GRM7: variants seen among roughly 807,000 people sequenced by gnomAD.
GRM7 encodes the protein glutamate metabotropic receptor 7.
Under a neutral mutation model 84.5 loss-of-function variants are expected in GRM7, and 35 were observed. The observed-to-expected ratio is 0.41, with a 90% CI of 0.32 to 0.55. The LOEUF (loss-of-function observed/expected upper bound fraction) is 0.55. GRM7 is among the 20% of genes least tolerant of loss of function. The pLI is 0.19. For missense variants in GRM7, 1,003 were observed against 1,194.6 expected, an observed-to-expected ratio of 0.84 and a Z score of 2.36; for synonymous variants, 487 against 455.1, an observed-to-expected ratio of 1.07 and a Z score of -0.89.
chr3:7,204,163 C>G (rs1050866044), intron 2 of GRM7, among the ~76,000 whole-genome samples: 17 of 152,124 alleles, frequency 1.1e-4, no homozygotes, highest in Admixed American at 7.2e-4. Flanking sequence ...GGACTCTGGC[C>G]CTGTCCACCT....
At chr3:7,481,079 T>C in intron 7 of GRM7, among the ~76,000 whole-genome samples, 1 of 116,846 alleles carries the variant, frequency 8.6e-6, no homozygotes, top group South Asian at 2.4e-4. Flanking sequence ...CTTTATTGGT[T>C]TTTTTTTTTT....
In GRM7 at chr3:7,146,685, C is replaced by A. The variant is rs375663105; in HGVS notation, c.736+17C>A. ...AAGAGGCAGGTAGGATGAGATTGCTCTGATCAAGCTGGCTCTCTTCAAACG... is the reference window on the plus strand; with the variant it reads ...AAGAGGCAGGTAGGATGAGATTGCTATGATCAAGCTGGCTCTCTTCAAACG... On this transcript the variant is annotated intron_variant, in intron 2 of 9. Coordinates refer to ENST00000357716, the MANE Select transcript of GRM7 (RefSeq NM_000844.4). 1.4e-4 allele frequency: 218 copies of A among 1,566,304 alleles called. 1 individual carries two copies. Among genetic ancestry groups the A allele is most frequent in the Non-Finnish European group, 1.8e-4 (209 of 1,141,984 alleles).
chr3:7,371,612 C>A (rs1019835364), intron 4 of GRM7, among the ~76,000 whole-genome samples: 2 of 152,072 alleles, frequency 1.3e-5, no homozygotes, highest in Non-Finnish European at 2.9e-5. Flanking sequence ...TAATTCTGAG[C>A]AATGCACAAT....
chr3:6,918,764 G>A (rs767207661), intron 1 of GRM7, among the ~76,000 whole-genome samples: 3 of 152,224 alleles, frequency 2.0e-5, no homozygotes, highest in East Asian at 1.9e-4. Context: ...GATAATAGGA[G>A]AAATGACTCT....
At chr3:7,465,500 C>G (rs1183706868) in intron 7 of GRM7, among the ~76,000 whole-genome samples, 2 of 152,100 alleles carry the variant, frequency 1.3e-5, no homozygotes, top group Non-Finnish European at 1.5e-5. Flanking sequence ...GAGCCACAGC[C>G]CAGTTGCCCT....
intron 9 of GRM7, chr3:7,686,368 C>A: frequency 7.1e-7 from 1 of 1,417,718 alleles, no homozygotes; most frequent in Non-Finnish European, 1.0e-6. Context: ...CTGTATACCA[C>A]CAGTAAGAAA....
intron 2 of GRM7, among the ~76,000 whole-genome samples, chr3:7,268,169 A>G (rs532942956): frequency 4.6e-5 from 7 of 152,188 alleles, no homozygotes; most frequent in Non-Finnish European, 8.8e-5. Flanking sequence ...AATTATTAAT[A>G]AAGGAATCAG....
intron 4 of GRM7, among the ~76,000 whole-genome samples, chr3:7,366,191 C>G (rs950316138): frequency 6.6e-6 from 1 of 151,798 alleles, no homozygotes; most frequent in Non-Finnish European, 1.5e-5. Flanking sequence ...TAACAGCCAA[C>G]CCTCATGTGT....
At chr3:7,668,077 T>C (rs1699772323) in intron 8 of GRM7, among the ~76,000 whole-genome samples, 1 of 152,186 alleles carries the variant, frequency 6.6e-6, no homozygotes, top group Non-Finnish European at 1.5e-5. Context: ...AATTATGCTT[T>C]ATGGTTTAGT....
chr3:7,389,705 G>A (rs1258094100), intron 4 of GRM7, among the ~76,000 whole-genome samples: 1 of 151,622 alleles, frequency 6.6e-6, no homozygotes, highest in Non-Finnish European at 1.5e-5. Flanking sequence ...ATATTTGCAT[G>A]ATAAATCTTC....
intron 1 of GRM7, among the ~76,000 whole-genome samples, chr3:7,009,632 G>A (rs756953094): frequency 1.3e-5 from 2 of 152,172 alleles, no homozygotes; most frequent in Non-Finnish European, 2.9e-5. Flanking sequence ...TTGGAGGGGA[G>A]CCAGGAGGGA....
At chr3:7,702,771 G>A (rs1701271531) in intron 9 of GRM7, among the ~76,000 whole-genome samples, 1 of 152,138 alleles carries the variant, frequency 6.6e-6, no homozygotes, top group Admixed American at 6.5e-5. Context: ...CAGTAAGTCA[G>A]CTCTTGAATA....
chr3:7,302,781 A>G (rs1001150793), intron 3 of GRM7, among the ~76,000 whole-genome samples: 5 of 151,722 alleles, frequency 3.3e-5, no homozygotes, highest in African/African-American at 1.2e-4. Flanking sequence ...CTTTGGATGT[A>G]TTGTCTTTTT....
intron 1 of GRM7, among the ~76,000 whole-genome samples, chr3:7,024,404 C>T (rs906206694): frequency 3.2e-4 from 48 of 152,194 alleles, no homozygotes; most frequent in Non-Finnish European, 2.9e-5. Context: ...AAATGGATGA[C>T]GTGCACTTTG....
intron 2 of GRM7, among the ~76,000 whole-genome samples, chr3:7,284,824 A>G (rs1699373685): frequency 6.6e-6 from 1 of 152,058 alleles, no homozygotes; most frequent in South Asian, 2.1e-4. Flanking sequence ...TATATTACAA[A>G]AGTATTTTCA....
intron 1 of GRM7, among the ~76,000 whole-genome samples, chr3:7,100,903 T>G (rs1379792604): frequency 6.6e-6 from 1 of 151,782 alleles, no homozygotes; most frequent in African/African-American, 2.4e-5. Context: ...TTTTTGAGAT[T>G]CATCTATATT....
chr3:7,404,052 G>C (rs887797202), intron 4 of GRM7, among the ~76,000 whole-genome samples: 12 of 152,108 alleles, frequency 7.9e-5, no homozygotes, highest in Admixed American at 7.9e-4. Context: ...TAGAATCTTT[G>C]ATTCAGCTGG....
intron 2 of GRM7, among the ~76,000 whole-genome samples, chr3:7,180,829 G>A (rs1302592881): frequency 6.6e-6 from 1 of 152,032 alleles, no homozygotes; most frequent in African/African-American, 2.4e-5. Flanking sequence ...TATTCCTTTT[G>A]TTCCTACTTT....
At chr3:7,561,987 G>A (rs561676089) in intron 7 of GRM7, among the ~76,000 whole-genome samples, 5 of 152,216 alleles carry the variant, frequency 3.3e-5, no homozygotes, top group Middle Eastern at 3.4e-3. Context: ...ATATGTCACT[G>A]CCACATCCCC....
Sources: gnomAD v4.1 joint callset for allele counts (sites outside exome capture counted in the v4.1 genomes callset) on GRCh38, gnomAD v4.1.1 for gene constraint, MANE v1.5 for transcripts, NCBI Gene and HGNC (gene_info 2026-07-23, HGNC 2026-07-21) for gene names.